CSMD1: variants seen among roughly 807,000 people sequenced by gnomAD.
The protein encoded by CSMD1 is CUB and Sushi multiple domains 1, also known as CUB and sushi domain-containing protein 1.
Under a neutral mutation model 417.5 loss-of-function variants are expected in CSMD1, and 213 were observed. The ratio of observed to expected loss-of-function variants is 0.51; its 90% CI spans 0.46 to 0.57. The LOEUF (loss-of-function observed/expected upper bound fraction) is 0.57, where lower values mean the gene tolerates loss of function less well. Ranked by LOEUF, CSMD1 falls within the 20% of genes least tolerant of loss-of-function variation. CSMD1 has a pLI of 0.00. For missense variants in CSMD1, 6,923 were observed against 4,529.7 expected (o/e 1.53, Z -15.17); for synonymous variants, 2,862 against 1,736.8 (o/e 1.65, Z -16.11).
At position 4,276,836 on chromosome 8, in the gene CSMD1, A is replaced by T. The variant is rs182750277; in HGVS notation, c.415+143117T>A. Among the ~76,000 whole-genome samples, 1,498 of 152,310 alleles carry T rather than the reference A, an allele frequency of 9.8e-3. 15 individuals are homozygous for T. The highest frequency in any genetic ancestry group is 0.016 in the Non-Finnish European group (1,117 of 68,016). ...GAACTAAATCTCTTTTCAGAAATACAATAAATGTTCAATTTCCTTAATCAG... is the reference window on the plus strand; with the variant it reads ...GAACTAAATCTCTTTTCAGAAATACTATAAATGTTCAATTTCCTTAATCAG... On this transcript the variant is annotated intron_variant, in intron 3 of 69. Transcript: ENST00000635120.
At chr8:4,497,945 G>A (rs1045297359) in intron 2 of CSMD1, among the ~76,000 whole-genome samples, 3 of 152,122 alleles carry the variant, frequency 2.0e-5, no homozygotes, top group Non-Finnish European at 4.4e-5. Context: ...GCAACTGCCC[G>A]TGGGGTTTCC....
At chr8:4,731,387 A>T (rs1277917343) in intron 1 of CSMD1, among the ~76,000 whole-genome samples, 1 of 151,978 alleles carries the variant, frequency 6.6e-6, no homozygotes, top group Non-Finnish European at 1.5e-5. Flanking sequence ...ACATTCCCCC[A>T]CCTGTGCAAG....
intron 9 of CSMD1, among the ~76,000 whole-genome samples, chr8:3,585,293 A>G (rs1800552315): frequency 6.6e-6 from 1 of 152,210 alleles, no homozygotes; most frequent in African/African-American, 2.4e-5. Context: ...AAAGTTTAAA[A>G]TGTATAAGTC....
At chr8:3,395,389 G>C (rs1011833167) in intron 17 of CSMD1, among the ~76,000 whole-genome samples, 1 of 152,060 alleles carries the variant, frequency 6.6e-6, no homozygotes, top group Non-Finnish European at 1.5e-5. Flanking sequence ...GCTTTGTTTT[G>C]TTTTAATTGG....
chr8:4,942,203 C>A (rs1217711438), intron 1 of CSMD1, among the ~76,000 whole-genome samples: 2 of 152,136 alleles, frequency 1.3e-5, no homozygotes, highest in Non-Finnish European at 2.9e-5. Context: ...CCCCCCAACA[C>A]ACAGACACAT....
chr8:3,654,405 C>T (rs947203888), intron 7 of CSMD1, among the ~76,000 whole-genome samples: 1 of 152,078 alleles, frequency 6.6e-6, no homozygotes, highest in Non-Finnish European at 1.5e-5. Context: ...ATGTAAAGTA[C>T]CCTTTGGTGT....
At chr8:3,674,264 C>A (rs1799250311) in intron 7 of CSMD1, among the ~76,000 whole-genome samples, 1 of 152,102 alleles carries the variant, frequency 6.6e-6, no homozygotes, top group Non-Finnish European at 1.5e-5. Context: ...TGACTGTAAC[C>A]CATGTTGCTT....
chr8:4,895,868 G>C (rs1804447906), intron 1 of CSMD1, among the ~76,000 whole-genome samples: 3 of 151,998 alleles, frequency 2.0e-5, no homozygotes, highest in African/African-American at 7.2e-5. Context: ...CCTTTCACTT[G>C]CCTTTTGTTA....
intron 10 of CSMD1, among the ~76,000 whole-genome samples, chr8:3,566,107 C>T (rs1361350181): frequency 2.7e-5 from 4 of 150,414 alleles, no homozygotes; most frequent in South Asian, 2.1e-4. Flanking sequence ...GGGAAGGAGG[C>T]GGAGAAGAAG....
At chr8:4,994,007 C>T (rs1044841472) in intron 1 of CSMD1, among the ~76,000 whole-genome samples, 7 of 152,196 alleles carry the variant, frequency 4.6e-5, no homozygotes, top group African/African-American at 9.7e-5. Flanking sequence ...GAGGCAACAC[C>T]GCCCCGGCGG....
chr8:4,895,415 G>A (rs945964487), intron 1 of CSMD1, among the ~76,000 whole-genome samples: 1 of 152,074 alleles, frequency 6.6e-6, no homozygotes, highest in African/African-American at 2.4e-5. Flanking sequence ...CCCATGCAAA[G>A]CCTGAGTAAA....
At chr8:4,553,318 T>G (rs1428106408) in intron 2 of CSMD1, among the ~76,000 whole-genome samples, 1 of 152,224 alleles carries the variant, frequency 6.6e-6, no homozygotes, top group African/African-American at 2.4e-5. Context: ...TGGGTAAAAG[T>G]GCTTCATTTT....
chr8:4,747,419 A>T (rs1811030657), intron 1 of CSMD1, among the ~76,000 whole-genome samples: 1 of 152,194 alleles, frequency 6.6e-6, no homozygotes, highest in African/African-American at 2.4e-5. Flanking sequence ...GCAATACAAT[A>T]GTGTGTTAAA....
intron 12 of CSMD1, among the ~76,000 whole-genome samples, chr8:3,456,886 A>C (rs963354989): frequency 6.6e-6 from 1 of 152,046 alleles, no homozygotes; most frequent in Admixed American, 6.5e-5. Flanking sequence ...CTAGCACTGC[A>C]CTATCCTGCC....
chr8:3,767,276 C>G (rs958200010), intron 5 of CSMD1, among the ~76,000 whole-genome samples: 24 of 152,238 alleles, frequency 1.6e-4, no homozygotes, highest in Admixed American at 1.6e-3. Flanking sequence ...GCCTTTCTCC[C>G]CGACCTGCAC....
At position 3,487,196 on chromosome 8, in the gene CSMD1, T is replaced by A. The variant is rs1330307574; in HGVS notation, c.1448+6427A>T. Among the ~76,000 whole-genome samples, 5 of 71,992 alleles carry A rather than the reference T, an allele frequency of 6.9e-5. No individual in the cohort carries two copies. The East Asian group carries it at 2.2e-3, about 31-fold the overall frequency. The allele number at this position is 71,992 out of a possible 152,430, so 47.2% of individuals were successfully genotyped here. Reference sequence around the variant, plus strand: ...AACAGTGATTGATGTATTATCAGCATACTTTTTTATTTATTTAGTTTTTGA... The same window carrying A: ...AACAGTGATTGATGTATTATCAGCAAACTTTTTTATTTATTTAGTTTTTGA... On this transcript the variant is annotated intron_variant, in intron 11 of 69. Transcript: ENST00000635120.
At chr8:3,399,290 C>T (rs1252217816) in intron 16 of CSMD1, 101 bp downstream of exon 16, 20 of 1,148,112 alleles carry the variant, frequency 1.7e-5, no homozygotes, top group South Asian at 3.5e-5. Context: ...ATGCGGGAAC[C>T]GAAAAAAACT....
At chr8:3,549,383 A>C (rs1407127103) in intron 10 of CSMD1, among the ~76,000 whole-genome samples, 1 of 152,158 alleles carries the variant, frequency 6.6e-6, no homozygotes, top group Non-Finnish European at 1.5e-5. Context: ...TCTAGGCCTT[A>C]TTCTACTCTG....
At chr8:3,730,281 G>C (rs540898846) in intron 6 of CSMD1, among the ~76,000 whole-genome samples, 1 of 151,944 alleles carries the variant, frequency 6.6e-6, no homozygotes, top group African/African-American at 2.4e-5. Flanking sequence ...CCCCTTGGAT[G>C]CATCATCCCT....
Sources: allele counts gnomAD v4.1 joint callset (sites outside exome capture counted in the v4.1 genomes callset), GRCh38; gene constraint gnomAD v4.1.1; transcripts MANE v1.5; gene names NCBI Gene and HGNC (gene_info 2026-07-23, HGNC 2026-07-21).